OR1L6: variants seen among roughly 807,000 people sequenced by gnomAD.
OR1L6 encodes olfactory receptor family 1 subfamily L member 6, also known as olfactory receptor 1L6.
Under a neutral mutation model 3.0 loss-of-function variants are expected in OR1L6, and 2 were observed. The ratio of observed to expected loss-of-function variants is 0.68; its 90% CI spans 0.28 to 2.13. The LOEUF (loss-of-function observed/expected upper bound fraction) is 2.13, where lower values mean the gene tolerates loss of function less well. Ranked by LOEUF, OR1L6 falls within the 30% of genes most tolerant of loss-of-function variation. The pLI is 0.14. For missense variants in OR1L6, 304 were observed against 378.4 expected (o/e 0.80, Z 1.63); for synonymous variants, 121 against 148.4 (o/e 0.82, Z 1.34).
chr9:122,743,764 A>T (rs1828810077), intron 1 of OR1L6, among the ~76,000 whole-genome samples: 1 of 152,234 alleles, frequency 6.6e-6, no homozygotes, highest in Non-Finnish European at 1.5e-5. Flanking sequence ...ACAGAGAAGA[A>T]CACATGGCTT....
chr9:122,746,177 T>C (rs1427557494), intron 1 of OR1L6, among the ~76,000 whole-genome samples: 1 of 152,248 alleles, frequency 6.6e-6, no homozygotes, highest in Middle Eastern at 3.2e-3. Context: ...TTGTGTTGTC[T>C]GTGCTATCAG....
In OR1L6 at chr9:122,744,769, G is replaced by C. The variant is rs536001136; in HGVS notation, c.-14+2396G>C. 6.3e-4 allele frequency among the ~76,000 whole-genome samples: 96 copies of C among 152,288 alleles called. 1 individual carries two copies. The highest frequency in any genetic ancestry group is 7.5e-4 in the Non-Finnish European group (51 of 68,024). ...ACACTCACTCAACTGTCATTTGACA[G>C]CTCCTAGGCAGGGTAGAAAGTGGCA... On this transcript the variant is annotated intron_variant, in intron 1 of 1. Coordinates refer to ENST00000304720, the MANE Select transcript of OR1L6 (RefSeq NM_001004453.3).
rs745782960 is a variant in OR1L6, at chr9:122,750,145, G to T, written c.298G>T (p.Ala100Ser). 6.2e-7 allele frequency: 1 copy of T among 1,605,648 alleles called. No homozygotes were observed. The highest frequency in any genetic ancestry group is 2.2e-5 in the East Asian group (1 of 44,880). Residue 100 changes from alanine (A) to serine (S), a missense_variant, in exon 2 of 2, where the codon GCC (alanine) becomes TCC (serine). Transcript: ENST00000304720. ...GGTTATCTCCTATGTGGGCTGCCTGGCCCAGATGTACTTCTTTATGGCATT... is the reference window on the plus strand; with the variant it reads ...GGTTATCTCCTATGTGGGCTGCCTGTCCCAGATGTACTTCTTTATGGCATT... ...TKVISYVGCL[A>S]QMYFFMAFGN...
intron 1 of OR1L6, 156 bp from the exon 2 acceptor site, chr9:122,749,679 G>A (rs1056094657): frequency 4.8e-5 from 36 of 755,950 alleles, no homozygotes; most frequent in Non-Finnish European, 6.9e-5. Flanking sequence ...CTGCACTCCA[G>A]TCTGGGCGAC....
chr9:122,749,741 T>G, intron 1 of OR1L6, 94 bp from the exon 2 acceptor site: 26 of 1,141,898 alleles, frequency 2.3e-5, no homozygotes, highest in Non-Finnish European at 3.2e-5. Flanking sequence ...CAAAGGGCTA[T>G]GAGCTATTTT....
At chr9:122,743,632 A>G (rs1226450920) in intron 1 of OR1L6, among the ~76,000 whole-genome samples, 1 of 152,220 alleles carries the variant, frequency 6.6e-6, no homozygotes, top group African/African-American at 2.4e-5. Flanking sequence ...ACGTGGACCC[A>G]GAAGACATCC....
chr9:122,744,870 A>G (rs1366421670), intron 1 of OR1L6, among the ~76,000 whole-genome samples: 1 of 152,230 alleles, frequency 6.6e-6, no homozygotes, highest in African/African-American at 2.4e-5. Context: ...AGGAAAATAC[A>G]TGATGCTGTC....
rs759976374 is a variant in OR1L6 at position 122,750,231 on chromosome 9, C to T, written c.384C>T (p.Cys128=). 1.9e-6 allele frequency: 3 copies of T among 1,613,994 alleles called. No homozygotes were observed. The highest frequency in any genetic ancestry group is 8.5e-7 in the Non-Finnish European group (1 of 1,180,036). The change falls in exon 2 of 2, where the codon TGC becomes TGT. Residue 128 remains cysteine (C), a synonymous_variant. Coordinates refer to ENST00000304720, the MANE Select transcript of OR1L6 (RefSeq NM_001004453.3). The part of the protein sequence containing the change: ...SMAIDRLVAI[C]NPLHYDVVMK... ...CCATCGACCGGCTGGTGGCCATCTGCAACCCCTTACACTATGATGTGGTTA... is the reference window on the plus strand; with the variant it reads ...CCATCGACCGGCTGGTGGCCATCTGTAACCCCTTACACTATGATGTGGTTA...
chr9:122,747,790 G>T (rs924044092), intron 1 of OR1L6, among the ~76,000 whole-genome samples: 2 of 151,726 alleles, frequency 1.3e-5, no homozygotes, highest in Non-Finnish European at 2.9e-5. Flanking sequence ...TTTTTCAGAT[G>T]ATTATCTTGG....
At chr9:122,748,053 A>C (rs898749450) in intron 1 of OR1L6, among the ~76,000 whole-genome samples, 2 of 152,210 alleles carry the variant, frequency 1.3e-5, no homozygotes, top group African/African-American at 4.8e-5. Flanking sequence ...TTTAAAAACT[A>C]ATCACAGTAA....
In OR1L6 at chr9:122,750,498, C is replaced by A; in HGVS notation, c.651C>A (p.Phe217Leu). Reference sequence around the variant, plus strand: ...TGACCCCCTTCCTGTGTATCATCTTCTCCTACCTGCGAATCATGGTCACTG... The same window carrying A: ...TGACCCCCTTCCTGTGTATCATCTTATCCTACCTGCGAATCATGGTCACTG... ...VIVTPFLCII[F>L]SYLRIMVTVL... Residue 217 changes from phenylalanine to leucine, a missense_variant, in exon 2 of 2, where the codon TTC becomes TTA. Phe to Leu is a conservative substitution (Grantham distance 22). Coordinates refer to ENST00000304720, the MANE Select transcript of OR1L6 (RefSeq NM_001004453.3). The A allele has an allele frequency of 3.7e-6, 3 of 816,092 alleles. No homozygotes were observed. The highest frequency in any genetic ancestry group is 6.1e-6 in the Non-Finnish European group (3 of 492,790). The allele number at this position is 816,092 out of a possible 1,614,324, so 50.6% of individuals were successfully genotyped here. A position where few individuals can be genotyped will look rare whatever the true frequency, so the allele number is the denominator to read the frequency against.
At position 122,750,246 on chromosome 9, in the gene OR1L6, T is replaced by G. The variant is rs144654879; in HGVS notation, c.399T>G (p.Tyr133Ter). The change falls in exon 2 of 2, where the codon TAT becomes TAG. Residue 133 changes from tyrosine (Y) to a stop codon, truncating the protein, a stop_gained. Transcript: ENST00000304720. LOFTEE classifies it high-confidence loss of function. ...TGGCCATCTGCAACCCCTTACACTATGATGTGGTTATGAAACCACGGCATT... is the reference window on the plus strand; with the variant it reads ...TGGCCATCTGCAACCCCTTACACTAGGATGTGGTTATGAAACCACGGCATT... ...RLVAICNPLH[Y>*]DVVMKPRHCL... 5.8e-5 allele frequency: 94 copies of G among 1,613,972 alleles called. No individual in the cohort carries two copies. Among genetic ancestry groups the G allele is most frequent in the Non-Finnish European group, 7.7e-5 (91 of 1,180,022 alleles).
intron 1 of OR1L6, among the ~76,000 whole-genome samples, chr9:122,748,516 T>G (rs779636810): frequency 6.6e-6 from 1 of 152,148 alleles, no homozygotes; most frequent in Non-Finnish European, 1.5e-5. Context: ...GAAGAACACA[T>G]GGAAAAATCT....
chr9:122,749,785 G>T (rs776640359), intron 1 of OR1L6, 50 bp from the exon 2 acceptor site: 2 of 1,539,510 alleles, frequency 1.3e-6, no homozygotes. Context: ...AGCTGTCTTG[G>T]TCAAACTGCC....
rs71892392 is a variant in OR1L6 at position 122,745,408 on chromosome 9, C to CTTTTTTTTT, written c.-14+3045_-14+3053dup. Among the ~76,000 whole-genome samples, 6 of 87,708 alleles carry CTTTTTTTTT rather than the reference C, an allele frequency of 6.8e-5. 1 individual carries two copies. The highest frequency in any genetic ancestry group is 1.4e-4 in the African/African-American group (3 of 21,732). 57.5% of individuals were successfully genotyped at this position (87,708 alleles called of 152,430 possible). ...ACGAAATGACTATAAATAAACACAC[C>CTTTTTTTTT]TTTTTTTTTTTTTTTTTTATTTGAG... On this transcript the variant is annotated intron_variant, in intron 1 of 1. Transcript: ENST00000304720.
chr9:122,750,314 A>G lies in OR1L6; in HGVS notation c.467A>G (p.His156Arg). The G allele has an allele frequency of 1.2e-6, 2 of 1,613,624 alleles. No individual in the cohort carries two copies. The highest frequency in any genetic ancestry group is 2.2e-5 in the East Asian group (1 of 44,858). ...LLGSCSISHL[H>R]SLFRVLLMSR... ...GGTTCTTGCAGCATCTCCCACCTAC[A>G]TTCCCTGTTCCGCGTGCTACTTATG... Residue 156 changes from histidine (H) to arginine (R), a missense_variant, in exon 2 of 2, where the codon CAT becomes CGT. Coordinates refer to ENST00000304720, the MANE Select transcript of OR1L6 (RefSeq NM_001004453.3).
chr9:122,749,795 C>A, intron 1 of OR1L6, 40 bp from the exon 2 acceptor site: 2 of 1,574,534 alleles, frequency 1.3e-6, no homozygotes, highest in South Asian at 2.2e-5. Context: ...GTCAAACTGC[C>A]CTTTACATCT....
intron 1 of OR1L6, among the ~76,000 whole-genome samples, chr9:122,744,481 CT>C (rs1479589788): frequency 1.3e-5 from 2 of 152,068 alleles, no homozygotes; most frequent in African/African-American, 4.8e-5. Context: ...GAAAAACAAC[CT>C]GAGATGACAA....
intron 1 of OR1L6, among the ~76,000 whole-genome samples, chr9:122,744,214 T>C (rs1015033645): frequency 6.6e-6 from 1 of 152,248 alleles, no homozygotes; most frequent in Non-Finnish European, 1.5e-5. Context: ...TCCTTGCTCA[T>C]TCAGGGGAGT....
Sources: gnomAD v4.1 joint callset for allele counts (sites outside exome capture counted in the v4.1 genomes callset) on GRCh38, gnomAD v4.1.1 for gene constraint, MANE v1.5 for transcripts, NCBI Gene and HGNC (gene_info 2026-07-23, HGNC 2026-07-21) for gene names.